Variants in HSD17B4 observed in about 807,000 individuals in gnomAD.
HSD17B4 encodes the protein hydroxysteroid 17-beta dehydrogenase 4, also known as peroxisomal multifunctional enzyme type 2.
In HSD17B4, 70 loss-of-function variants were observed where a neutral mutation model predicts 101.0. The observed-to-expected ratio is 0.69, with a 90% CI of 0.57 to 0.85. HSD17B4 has a LOEUF of 0.85. HSD17B4 is among the 40% of genes least tolerant of loss of function. The pLI is 0.00. For synonymous variants in HSD17B4, 347 were observed against 297.1 expected (o/e 1.17, Z -1.73); for missense variants, 984 against 892.4 (o/e 1.10, Z -1.31).
chr5:119,466,063 C>T (rs924079550), intron 2 of HSD17B4, among the ~76,000 whole-genome samples: 5 of 152,284 alleles, frequency 3.3e-5, no homozygotes, highest in East Asian at 1.9e-4. Flanking sequence ...CATGCTTTCT[C>T]TTGAGATGAT....
chr5:119,491,426 GACAA>G (rs1750092490), intron 9 of HSD17B4, among the ~76,000 whole-genome samples: 2 of 148,198 alleles, frequency 1.3e-5, no homozygotes, highest in South Asian at 2.1e-4. Context: ...TGTTTGAAGT[GACAA>G]ACAGATTTTC....
At chr5:119,513,049 C>T (rs921197048) in intron 16 of HSD17B4, among the ~76,000 whole-genome samples, 7 of 151,782 alleles carry the variant, frequency 4.6e-5, no homozygotes, top group African/African-American at 9.7e-5. Context: ...GTCCTGGGCC[C>T]GCATTTAAAA....
At position 119,501,244 on chromosome 5, in the gene HSD17B4, C is replaced by G. The variant is rs529585246; in HGVS notation, c.1210-797C>G. 5.3e-5 allele frequency among the ~76,000 whole-genome samples: 8 copies of G among 152,070 alleles called. 2 individuals carry two copies. In the South Asian group the frequency reaches 1.5e-3, roughly 28 times the overall value. The stretch of plus-strand genomic sequence containing the variant: ...CTAGTCTTCTTAACCTTGACTTTTT[C>G]AAGCCGTATGACACAGTAAAGCTGA... On this transcript the variant is annotated intron_variant, in intron 13 of 23. Transcript: ENST00000510025.
chr5:119,473,568 C>T (rs528563450), intron 2 of HSD17B4, among the ~76,000 whole-genome samples: 2 of 152,150 alleles, frequency 1.3e-5, no homozygotes, highest in East Asian at 3.9e-4. Context: ...GGTAGTCCTC[C>T]CACCTTAGCC....
intron 2 of HSD17B4, among the ~76,000 whole-genome samples, chr5:119,460,399 A>C (rs1216222065): frequency 3.3e-5 from 5 of 152,240 alleles, no homozygotes; most frequent in African/African-American, 1.2e-4. Context: ...CCAGCTGATA[A>C]TAAATGAGCC....
chr5:119,513,326 G>A (rs1752336167), intron 16 of HSD17B4, among the ~76,000 whole-genome samples: 1 of 152,178 alleles, frequency 6.6e-6, no homozygotes, highest in Non-Finnish European at 1.5e-5. Flanking sequence ...GGCTATATTA[G>A]ATGAAGTAAA....
intron 21 of HSD17B4, among the ~76,000 whole-genome samples, chr5:119,531,010 C>T (rs1454641682): frequency 4.6e-5 from 7 of 151,704 alleles, no homozygotes; most frequent in Admixed American, 6.6e-5. Context: ...TTAGCTAAAA[C>T]ATAGGTTGTC....
chr5:119,453,474 G>C (rs116767775), intron 1 of HSD17B4, among the ~76,000 whole-genome samples: 1,929 of 152,316 alleles, frequency 0.013, 16 homozygotes, highest in African/African-American at 0.024. Context: ...TGTGCAGTGA[G>C]ATTTTACATT....
chr5:119,505,808 G>A (rs542366573), intron 14 of HSD17B4, among the ~76,000 whole-genome samples: 3 of 151,934 alleles, frequency 2.0e-5, no homozygotes, highest in Non-Finnish European at 2.9e-5. Flanking sequence ...AGAAATTTAA[G>A]AAAGAATGGG....
rs529126653 is a variant in HSD17B4 at position 119,493,918 on chromosome 5, G to C, written c.840G>C (p.Glu280Asp). 6.2e-7 allele frequency: 1 copy of C among 1,613,400 alleles called. No individual in the cohort carries two copies. Among genetic ancestry groups the C allele is most frequent in the African/African-American group, 1.3e-5 (1 of 75,004 alleles). The change falls in exon 11 of 24, where the codon GAG becomes GAC. Residue 280 changes from glutamate to aspartate, a missense_variant. Physicochemically the swap from Glu to Asp is conservative, Grantham distance 45. Transcript: ENST00000510025. ...ACTGGAAGAAGATCTGTGACTTTGAGAATGCCAGCAAGCCTCAGAGTATCC... is the reference window on the plus strand; with the variant it reads ...ACTGGAAGAAGATCTGTGACTTTGACAATGCCAGCAAGCCTCAGAGTATCC... ...KANWKKICDF[E>D]NASKPQSIQE...
chr5:119,466,144 A>G lies in HSD17B4; in HGVS notation c.113-7764A>G, dbSNP rs541677306. On this transcript the variant is annotated intron_variant, in intron 2 of 23. Coordinates refer to ENST00000510025, the MANE Select transcript of HSD17B4 (RefSeq NM_000414.4). Reference sequence around the variant, plus strand: ...TATTGATACACATAACCATCGTTACATCTCTGGCTAAATCTCACTTGATTG... The same window carrying G: ...TATTGATACACATAACCATCGTTACGTCTCTGGCTAAATCTCACTTGATTG... 4.6e-5 allele frequency among the ~76,000 whole-genome samples: 7 copies of G among 152,266 alleles called. No homozygotes were observed. The South Asian group carries it at 1.5e-3, about 32-fold the overall frequency.
intron 9 of HSD17B4, among the ~76,000 whole-genome samples, chr5:119,491,468 T>C (rs1008324106): frequency 2.0e-5 from 3 of 151,314 alleles, no homozygotes; most frequent in Non-Finnish European, 4.4e-5. Flanking sequence ...AGACTTTTTT[T>C]TTTTTTTTTT....
At chr5:119,475,779 G>C (rs773804308) in intron 5 of HSD17B4, 45 bp from the exon 6 acceptor site, 37 of 1,578,782 alleles carry the variant, frequency 2.3e-5, no homozygotes, top group Admixed American at 1.2e-4. Flanking sequence ...TTTTTAAAAA[G>C]TATATACTTT....
chr5:119,460,357 G>A (rs780775575), intron 2 of HSD17B4, among the ~76,000 whole-genome samples: 39 of 152,094 alleles, frequency 2.6e-4, no homozygotes, highest in Non-Finnish European at 5.0e-4. Flanking sequence ...TATAATACAG[G>A]GAGAAAGATC....
rs1750647813 is a variant in HSD17B4 at position 119,496,338 on chromosome 5, G to T, written c.869-205G>T. Among the ~76,000 whole-genome samples, 4 of 152,282 alleles carry T rather than the reference G, an allele frequency of 2.6e-5. 1 individual carries two copies. Among genetic ancestry groups the T allele is most frequent in the South Asian group, 2.1e-4 (1 of 4,830 alleles). ...AGACAATGTCTTGTATTTCATTGAA[G>T]ATGTCCATTTATTTTTGGCCTATTT... On this transcript the variant is annotated intron_variant, in intron 11 of 23. Coordinates refer to ENST00000510025, the MANE Select transcript of HSD17B4 (RefSeq NM_000414.4).
At chr5:119,495,374 T>G (rs954727002) in intron 11 of HSD17B4, among the ~76,000 whole-genome samples, 1 of 152,210 alleles carries the variant, frequency 6.6e-6, no homozygotes, top group Non-Finnish European at 1.5e-5. Flanking sequence ...GAAGCACAAT[T>G]TTTAAAAAAT....
rs369762829 is a variant in HSD17B4 at position 119,539,264 on chromosome 5, G to A, written c.2122-2641G>A. Among the ~76,000 whole-genome samples the A allele has an allele frequency of 3.9e-5, 6 of 152,110 alleles. No homozygotes were observed. In the South Asian group the frequency reaches 1.0e-3, roughly 26 times the overall value. ...TAGAATACTATGCAGCCATAGAAAT[G>A]GATGAGTTCATGTCCTTTGTAGGGA... On this transcript the variant is annotated intron_variant, in intron 23 of 23. Transcript: ENST00000510025.
intron 17 of HSD17B4, among the ~76,000 whole-genome samples, chr5:119,519,600 A>G (rs1023534664): frequency 2.0e-5 from 3 of 152,242 alleles, no homozygotes; most frequent in Non-Finnish European, 4.4e-5. Context: ...GGGATCATCT[A>G]AAGTGAACTG....
intron 8 of HSD17B4, chr5:119,487,492 G>C (rs1238514504): frequency 1.3e-5 from 2 of 151,592 alleles, no homozygotes; most frequent in East Asian, 1.9e-4. Context: ...TCTTAAGGTT[G>C]GTTTTTTATT....
Sources: allele counts gnomAD v4.1 joint callset (sites outside exome capture counted in the v4.1 genomes callset), GRCh38; gene constraint gnomAD v4.1.1; transcripts MANE v1.5; gene names NCBI Gene and HGNC (gene_info 2026-07-23, HGNC 2026-07-21).